Variants in PATJ observed in about 807,000 individuals in gnomAD.
The protein encoded by PATJ is PATJ crumbs cell polarity complex component.
A neutral mutation model predicts 224.9 loss-of-function variants in PATJ; 190 were observed. The observed-to-expected ratio is 0.84, with a 90% confidence interval of 0.75 to 0.95. PATJ has a LOEUF of 0.95. PATJ is among the 40% of genes least tolerant of loss of function. The pLI, the probability that PATJ is intolerant of heterozygous loss-of-function variation, is 0.00. For synonymous variants in PATJ, 769 were observed against 820.3 expected, an observed-to-expected ratio of 0.94 and a Z score of 1.07; for missense variants, 2,121 against 2,270.3, an observed-to-expected ratio of 0.93 and a Z score of 1.34.
chr1:61,796,724 T>TTCTTTCTTTCTTTCTTTTTC (rs1223383945), intron 10 of PATJ, among the ~76,000 whole-genome samples: 31 of 52,732 alleles, frequency 5.9e-4, no homozygotes, highest in Admixed American at 1.2e-3. Context: ...CTTTCTTTCT[T>TTCTTTCTTTCTTTCTTTTTC]TTTCTTTCTT....
intron 14 of PATJ, among the ~76,000 whole-genome samples, chr1:61,813,362 TATATATATATATATATAC>T (rs1403437562): frequency 5.2e-4 from 24 of 45,836 alleles, no homozygotes; most frequent in Non-Finnish European, 5.6e-4. Context: ...TATATATATA[TATATATATATATATATAC>T]ACACACACAC....
chr1:61,980,054 T>A (rs1249380282), intron 27 of PATJ, among the ~76,000 whole-genome samples: 2 of 152,048 alleles, frequency 1.3e-5, no homozygotes, highest in African/African-American at 4.8e-5. Flanking sequence ...AGAGTTACCT[T>A]CCTGCCTCTG....
At chr1:61,841,509 C>G (rs982289536) in intron 17 of PATJ, among the ~76,000 whole-genome samples, 4 of 151,508 alleles carry the variant, frequency 2.6e-5, no homozygotes, top group African/African-American at 9.7e-5. Context: ...AAAGGATAGG[C>G]ATGTACTATA....
intron 21 of PATJ, 99 bp from the exon 22 acceptor site, chr1:61,884,138 A>C (rs975725332): frequency 6.9e-6 from 5 of 725,728 alleles, no homozygotes; most frequent in Non-Finnish European, 1.1e-5. Context: ...CCTACCTGGA[A>C]GAGTCCCCTC....
chr1:61,783,083 A>C (rs1028387644), intron 7 of PATJ, among the ~76,000 whole-genome samples: 1 of 152,158 alleles, frequency 6.6e-6, no homozygotes, highest in African/African-American at 2.4e-5. Context: ...ACTTTGAGAG[A>C]CTTTCAGTGT....
intron 26 of PATJ, among the ~76,000 whole-genome samples, chr1:61,922,306 A>G (rs1674453597): frequency 6.6e-6 from 1 of 152,132 alleles, no homozygotes; most frequent in African/African-American, 2.4e-5. Context: ...CAGCCTCCCA[A>G]AGGCTGGAAT....
chr1:62,152,746 C>G (rs1394050763), intron 42 of PATJ, among the ~76,000 whole-genome samples: 3 of 152,280 alleles, frequency 2.0e-5, no homozygotes, highest in Admixed American at 2.0e-4. Flanking sequence ...TGAAGACTGG[C>G]AGTCTCCCAC....
chr1:61,789,840 G>A (rs1328178090), intron 8 of PATJ, among the ~76,000 whole-genome samples: 1 of 151,822 alleles, frequency 6.6e-6, no homozygotes, highest in African/African-American at 2.4e-5. Flanking sequence ...TCCAAATTGT[G>A]GTTACATTTT....
chr1:62,106,478 A>AT (rs142668271), intron 33 of PATJ, among the ~76,000 whole-genome samples: 4,745 of 151,726 alleles, frequency 0.031, 157 homozygotes, highest in African/African-American at 0.081. Flanking sequence ...CTCAAAAAAA[A>AT]TTTTTTAAGT....
intron 17 of PATJ, among the ~76,000 whole-genome samples, chr1:61,846,340 T>G (rs1036654265): frequency 6.6e-6 from 1 of 152,198 alleles, no homozygotes; most frequent in Non-Finnish European, 1.5e-5. Context: ...AAGTTGACAG[T>G]GATTTGTTTG....
intron 27 of PATJ, among the ~76,000 whole-genome samples, chr1:61,940,163 G>A (rs1364709624): frequency 6.6e-6 from 1 of 151,942 alleles, no homozygotes; most frequent in Non-Finnish European, 1.5e-5. Flanking sequence ...AAGCCACTTA[G>A]CCTCTAAATT....
At chr1:61,968,780 A>G (rs868842390) in intron 27 of PATJ, among the ~76,000 whole-genome samples, 5 of 152,034 alleles carry the variant, frequency 3.3e-5, no homozygotes, top group Admixed American at 2.0e-4. Context: ...TCATTGTTCA[A>G]TTCCCACCTA....
intron 41 of PATJ, among the ~76,000 whole-genome samples, chr1:62,142,970 CT>C (rs1667652153): frequency 1.3e-5 from 2 of 152,152 alleles, no homozygotes; most frequent in Non-Finnish European, 1.5e-5. Context: ...GAAAAGGTAA[CT>C]GGCTAACGTG....
At chr1:61,971,259 G>A (rs1197999033) in intron 27 of PATJ, among the ~76,000 whole-genome samples, 1 of 152,142 alleles carries the variant, frequency 6.6e-6, no homozygotes, top group Non-Finnish European at 1.5e-5. Context: ...CTACCAACCT[G>A]CCTCTTCTTT....
In PATJ at chr1:61,773,256, T is replaced by A. The variant is rs971157170; in HGVS notation, c.720+1630T>A. On this transcript the variant is annotated intron_variant, in intron 6 of 43. Coordinates refer to ENST00000642238, the MANE Select transcript of PATJ (RefSeq NM_001350145.3). ...CCAGGCTGGTCTCGAACTCCTGACC[T>A]CATGATCTGCCCACCTCGGCTTCCA... 4.0e-4 allele frequency among the ~76,000 whole-genome samples: 61 copies of A among 151,770 alleles called. 1 individual carries two copies. Among genetic ancestry groups the A allele is most frequent in the Middle Eastern group, 3.4e-3 (1 of 294 alleles).
At chr1:61,861,161 C>A (rs924630674) in intron 18 of PATJ, among the ~76,000 whole-genome samples, 1 of 150,070 alleles carries the variant, frequency 6.7e-6, no homozygotes, top group Non-Finnish European at 1.5e-5. Context: ...ATATGGAGTT[C>A]TTTTTAGTTA....
chr1:61,822,486 G>A (rs1657493808), intron 14 of PATJ, among the ~76,000 whole-genome samples: 1 of 151,858 alleles, frequency 6.6e-6, no homozygotes, highest in South Asian at 2.1e-4. Context: ...GTTGTGAGAT[G>A]TGATGGAGAT....
At chr1:62,120,856 C>T (rs551726433) in intron 37 of PATJ, 73 of 256,932 alleles carry the variant, frequency 2.8e-4, no homozygotes, top group Non-Finnish European at 4.6e-4. Context: ...TATACATAAA[C>T]ACTATGTGGC....
At chr1:61,812,222 G>A (rs1329821780) in intron 14 of PATJ, among the ~76,000 whole-genome samples, 2 of 151,828 alleles carry the variant, frequency 1.3e-5, no homozygotes, top group Non-Finnish European at 2.9e-5. Context: ...TTTTGTTTGG[G>A]TATATCTCTT....
Sources: allele counts gnomAD v4.1 joint callset (sites outside exome capture counted in the v4.1 genomes callset), GRCh38; gene constraint gnomAD v4.1.1; transcripts MANE v1.5; gene names NCBI Gene and HGNC (gene_info 2026-07-23, HGNC 2026-07-21).